Variants in MYCT1 observed in about 807,000 individuals in gnomAD.
MYCT1 encodes the protein myc target protein 1.
In MYCT1, 12 loss-of-function variants were observed where a neutral mutation model predicts 15.0. The observed-to-expected ratio is 0.80, with a 90% CI of 0.51 to 1.29. MYCT1 has a LOEUF of 1.29. Among genes scored for constraint, MYCT1 ranks in the 50% most tolerant of loss-of-function variants. The pLI, the probability that MYCT1 is intolerant of heterozygous loss-of-function variation, is 0.00. For synonymous variants in MYCT1, 104 were observed against 102.7 expected (o/e 1.01, Z -0.07); for missense variants, 287 against 279.1 (o/e 1.03, Z -0.20).
chr6:152,728,907 A>G (rs2099726105), downstream of MYCT1, among the ~76,000 whole-genome samples: 1 of 152,212 alleles, frequency 6.6e-6, no homozygotes, highest in Non-Finnish European at 1.5e-5. Context: ...CCCTGTCTCA[A>G]ATAAATAGAT....
chr6:152,725,714 G>T (rs192151918), downstream of MYCT1, among the ~76,000 whole-genome samples: 30 of 152,350 alleles, frequency 2.0e-4, no homozygotes, highest in Admixed American at 9.8e-4. Flanking sequence ...GCAGTTTGAT[G>T]AAATGTATCA....
chr6:152,700,040 G>A lies in MYCT1; in HGVS notation c.196+1942G>A, dbSNP rs976104579. ...TGGAAACATGGAGAGCAGATATAAT[G>A]TTTGATGATTTTAGGAAAATATATA... On this transcript the variant is annotated intron_variant, in intron 1 of 1. Coordinates refer to ENST00000367245, the MANE Select transcript of MYCT1 (RefSeq NM_025107.3). Among the ~76,000 whole-genome samples, 3 of 152,038 alleles carry A rather than the reference G, an allele frequency of 2.0e-5. No individual in the cohort carries two copies. In the East Asian group the frequency reaches 5.8e-4, roughly 29 times the overall value.
At chr6:152,743,940 G>A in the MYCT1 span, among the ~76,000 whole-genome samples, 1 of 152,184 alleles carries the variant, frequency 6.6e-6, no homozygotes, top group East Asian at 1.9e-4. Flanking sequence ...TTATCAAATA[G>A]CTGCAGCTCC....
the MYCT1 span, among the ~76,000 whole-genome samples, chr6:152,737,204 C>T: frequency 6.6e-6 from 1 of 151,788 alleles, no homozygotes. Context: ...GAATGAGATA[C>T]CTTGCTGAAT....
chr6:152,722,228 T>G lies in MYCT1; in HGVS notation c.683T>G (p.Ile228Ser), dbSNP rs372637786. Residue 228 changes from isoleucine (I) to serine (S), a missense_variant, in exon 2 of 2, where the codon ATC becomes AGC. Transcript: ENST00000367245. The stretch of plus-strand genomic sequence containing the variant: ...CCGCCCCCACCTGCCTATGAGTCCA[T>G]CATCAAGGCATTCCCAGATTCCTGA... ...STPPPPAYES[I>S]IKAFPDS is the part of the protein sequence containing the mutation. The G allele has an allele frequency of 6.2e-7, 1 of 1,612,664 alleles. No homozygotes were observed. The highest frequency in any genetic ancestry group is 1.3e-5 in the African/African-American group (1 of 74,874).
chr6:152,725,096 GGA>G (rs200859742), downstream of MYCT1, among the ~76,000 whole-genome samples: 436 of 133,260 alleles, frequency 3.3e-3, 3 homozygotes, highest in African/African-American at 0.013. Context: ...AAATTACAAA[GGA>G]AAATATTAAC....
chr6:152,700,777 T>G (rs1021080126), intron 1 of MYCT1, among the ~76,000 whole-genome samples: 9 of 152,212 alleles, frequency 5.9e-5, no homozygotes, highest in Non-Finnish European at 1.2e-4. Context: ...TTGAGAGTCC[T>G]GTAGAAGACG....
At chr6:152,713,009 T>C (rs2099723027) in intron 1 of MYCT1, among the ~76,000 whole-genome samples, 1 of 152,004 alleles carries the variant, frequency 6.6e-6, no homozygotes, top group African/African-American at 2.4e-5. Flanking sequence ...CATCCACCCT[T>C]TCCTCTGTTT....
intron 1 of MYCT1, among the ~76,000 whole-genome samples, chr6:152,717,944 G>T (rs7754566): frequency 6.6e-6 from 1 of 151,816 alleles, no homozygotes; most frequent in Non-Finnish European, 1.5e-5. Flanking sequence ...GCCTATTATT[G>T]TGTGTATATA....
rs935042816 is a variant in MYCT1 at position 152,713,089 on chromosome 6, C to T, written c.197-8653C>T. The stretch of plus-strand genomic sequence containing the variant: ...CACAAGGCCTAGAGGCTTGCTTTTT[C>T]CCCCCAATATTTTTCTCCATTTTTC... On this transcript the variant is annotated intron_variant, in intron 1 of 1. Coordinates refer to ENST00000367245, the MANE Select transcript of MYCT1 (RefSeq NM_025107.3). Among the ~76,000 whole-genome samples the T allele has an allele frequency of 9.9e-5, 15 of 151,928 alleles. 1 individual carries two copies. Among genetic ancestry groups the T allele is most frequent in the East Asian group, 5.8e-4 (3 of 5,170 alleles).
At chr6:152,725,130 T>A (rs574998570), downstream of MYCT1, among the ~76,000 whole-genome samples, 15 of 151,470 alleles carry the variant, frequency 9.9e-5, 1 homozygote, top group South Asian at 2.7e-3. Flanking sequence ...TTTAAAAAAA[T>A]TTAAAATTCT....
At chr6:152,706,742 T>C (rs1221971326) in intron 1 of MYCT1, among the ~76,000 whole-genome samples, 2 of 152,118 alleles carry the variant, frequency 1.3e-5, no homozygotes, top group Non-Finnish European at 2.9e-5. Context: ...TTAAATGCAT[T>C]TTTGACTTAT....
the MYCT1 span, among the ~76,000 whole-genome samples, chr6:152,731,167 A>G: frequency 2.6e-5 from 4 of 152,056 alleles, no homozygotes; most frequent in Admixed American, 2.0e-4. Context: ...GAAGTGGCTC[A>G]GAAAATGTGA....
chr6:152,703,108 A>G (rs1271687179), intron 1 of MYCT1, among the ~76,000 whole-genome samples: 20 of 152,164 alleles, frequency 1.3e-4, no homozygotes, highest in African/African-American at 4.3e-4. Flanking sequence ...CGTTTTCCCT[A>G]CTTTTCTATT....
At chr6:152,704,414 A>G (rs1327852701) in intron 1 of MYCT1, among the ~76,000 whole-genome samples, 1 of 152,112 alleles carries the variant, frequency 6.6e-6, no homozygotes, top group African/African-American at 2.4e-5. Context: ...TTTTTATAGT[A>G]AGTCTTGAAG....
downstream of MYCT1, among the ~76,000 whole-genome samples, chr6:152,726,778 G>A (rs1157033050): frequency 6.6e-6 from 1 of 152,168 alleles, no homozygotes; most frequent in Non-Finnish European, 1.5e-5. Context: ...GGACAGCCTG[G>A]CAATCAGGTC....
chr6:152,737,400 G>A, the MYCT1 span, among the ~76,000 whole-genome samples: 1,268 of 151,944 alleles, frequency 8.3e-3, 19 homozygotes, highest in African/African-American at 0.028. Context: ...AAATATTGGA[G>A]ATATCTATAT....
the MYCT1 span, among the ~76,000 whole-genome samples, chr6:152,732,275 A>G: frequency 6.6e-6 from 1 of 152,222 alleles, no homozygotes; most frequent in Non-Finnish European, 1.5e-5. Context: ...AACAGATATT[A>G]AACTGGTCTT....
At chr6:152,740,385 C>T in the MYCT1 span, among the ~76,000 whole-genome samples, 1 of 152,084 alleles carries the variant, frequency 6.6e-6, no homozygotes, top group Non-Finnish European at 1.5e-5. Context: ...TCAAAAAAAG[C>T]ATGATAACTT....
Sources: gnomAD v4.1 joint callset for allele counts (sites outside exome capture counted in the v4.1 genomes callset) on GRCh38, gnomAD v4.1.1 for gene constraint, MANE v1.5 for transcripts, NCBI Gene and HGNC (gene_info 2026-07-23, HGNC 2026-07-21) for gene names.